Variants in TBC1D20 observed in about 807,000 individuals in gnomAD.
TBC1D20 encodes the protein TBC1 domain family member 20.
In TBC1D20, 12 loss-of-function variants were observed where a neutral mutation model predicts 41.6. That is an observed-to-expected ratio of 0.29 (90% CI 0.18 to 0.47). TBC1D20 has a LOEUF of 0.47. Ranked by LOEUF, TBC1D20 falls within the 20% of genes least tolerant of loss-of-function variation. The pLI is 1.00. For synonymous variants in TBC1D20, 205 were observed against 204.8 expected, an observed-to-expected ratio of 1.00 and a Z score of -0.01; for missense variants, 421 against 517.4, an observed-to-expected ratio of 0.81 and a Z score of 1.81.
At chr20:450,161 T>G (rs1172590779) in intron 1 of TBC1D20, among the ~76,000 whole-genome samples, 2 of 152,022 alleles carry the variant, frequency 1.3e-5, no homozygotes, top group Non-Finnish European at 2.9e-5. Context: ...AGATTTTTTT[T>G]TTTTTTTGAG....
chr20:448,336 A>C (rs890724020), intron 1 of TBC1D20, among the ~76,000 whole-genome samples: 1 of 151,954 alleles, frequency 6.6e-6, no homozygotes, highest in Non-Finnish European at 1.5e-5. Context: ...CTCTTTTTAT[A>C]GGTCTGAACC....
chr20:451,462 C>T (rs766232475), intron 1 of TBC1D20, among the ~76,000 whole-genome samples: 93 of 152,100 alleles, frequency 6.1e-4, no homozygotes, highest in Non-Finnish European at 5.3e-4. Context: ...GCAGGAGAAT[C>T]GCTTGAACCT....
chr20:460,956 C>G (rs1330017746), intron 1 of TBC1D20, among the ~76,000 whole-genome samples: 2 of 152,280 alleles, frequency 1.3e-5, no homozygotes, highest in African/African-American at 4.8e-5. Flanking sequence ...AGACATCACA[C>G]AAACACCAGT....
chr20:441,439 G>A, intron 5 of TBC1D20, 149 bp downstream of exon 5: 1 of 672,568 alleles, frequency 1.5e-6, no homozygotes, highest in Non-Finnish European at 2.6e-6. Flanking sequence ...GAATTACCCA[G>A]ATTGCTGGTG....
rs1009775935 is a variant in TBC1D20, at chr20:437,294, T to C, written c.*1292A>G. ...GGTGTGTTCACTTTAAGAAAACATC[T>C]GCCAAGAGAGAAGAGTGCCCAGGAA... is the stretch of plus-strand genomic sequence containing the variant. On this transcript the variant is annotated 3_prime_UTR_variant, in exon 8 of 8. Transcript: ENST00000354200. 1 of 152,616 alleles carries C rather than the reference T, an allele frequency of 6.6e-6. No homozygotes were observed. The highest frequency in any genetic ancestry group is 2.1e-4 in the South Asian group (1 of 4,824). The allele number at this position is 152,616 out of a possible 1,614,324, so 9.5% of individuals were successfully genotyped here. A position where few individuals can be genotyped will look rare whatever the true frequency, so the allele number is the denominator to read the frequency against.
Position 438,547 on chromosome 20 carries a change from G to C in TBC1D20, c.*39C>G. ...TCCCAATCCTTCCATGGAAGGGTGA[G>C]ACCTTAATGTGATGTAAGAGGAAGG... On this transcript the variant is annotated 3_prime_UTR_variant, in exon 8 of 8. Transcript: ENST00000354200. 6.2e-7 allele frequency: 1 copy of C among 1,604,136 alleles called. No homozygotes were observed. The highest frequency in any genetic ancestry group is 8.5e-7 in the Non-Finnish European group (1 of 1,172,688).
intron 2 of TBC1D20, among the ~76,000 whole-genome samples, chr20:447,641 G>C (rs1282185828): frequency 1.3e-5 from 2 of 152,124 alleles, no homozygotes; most frequent in Admixed American, 6.5e-5. Context: ...CTGGGTGACA[G>C]AGCAAGACTC....
intron 1 of TBC1D20, among the ~76,000 whole-genome samples, chr20:456,586 G>A (rs1019601564): frequency 5.9e-5 from 9 of 152,028 alleles, no homozygotes; most frequent in African/African-American, 2.2e-4. Context: ...TTTTTGAGAC[G>A]GAGTTACGCT....
chr20:462,506 G>A lies in TBC1D20; in HGVS notation c.-101C>T, dbSNP rs764909898. 3.2e-5 allele frequency: 21 copies of A among 660,386 alleles called. No homozygotes were observed. Among genetic ancestry groups the A allele is most frequent in the African/African-American group, 2.1e-4 (11 of 51,302 alleles). 40.9% of individuals were successfully genotyped at this position (660,386 alleles called of 1,614,324 possible). ...ACGTAGCACCCGCTCGGCATCGGCA[G>A]GCTCCCCTCCGTCGGCCAGCGGCGC... On this transcript the variant is annotated 5_prime_UTR_variant, in exon 1 of 8. Transcript: ENST00000354200.
intron 1 of TBC1D20, 73 bp from the exon 2 acceptor site, chr20:448,147 CT>C (rs1654151311): frequency 9.1e-7 from 1 of 1,097,336 alleles, no homozygotes; most frequent in Admixed American, 1.9e-5. Context: ...ACTCAAGCTC[CT>C]TTTTGATATG....
chr20:455,569 G>C (rs1162992729), intron 1 of TBC1D20, among the ~76,000 whole-genome samples: 1 of 152,116 alleles, frequency 6.6e-6, no homozygotes, highest in Non-Finnish European at 1.5e-5. Flanking sequence ...AGTGTGCCGA[G>C]ATCATGCCAC....
intron 2 of TBC1D20, among the ~76,000 whole-genome samples, chr20:445,926 T>C (rs1387914711): frequency 6.6e-6 from 1 of 152,262 alleles, no homozygotes; most frequent in East Asian, 1.9e-4. Context: ...AACATGGCAC[T>C]GCCTTAGCCT....
At chr20:452,928 C>G (rs1375006922) in intron 1 of TBC1D20, among the ~76,000 whole-genome samples, 1 of 151,598 alleles carries the variant, frequency 6.6e-6, no homozygotes, top group African/African-American at 2.4e-5. Context: ...GGCGGGCAGA[C>G]CACCTGAGAT....
intron 1 of TBC1D20, among the ~76,000 whole-genome samples, chr20:455,980 C>A (rs2017532950): frequency 6.6e-6 from 1 of 151,778 alleles, no homozygotes; most frequent in South Asian, 2.1e-4. Flanking sequence ...ATAAAAACCA[C>A]TGCCGGGCAT....
At chr20:442,957 G>A (rs1198690046) in intron 3 of TBC1D20, among the ~76,000 whole-genome samples, 1 of 152,064 alleles carries the variant, frequency 6.6e-6, no homozygotes, top group Admixed American at 6.6e-5. Context: ...AAAATTAGCT[G>A]GGCGTGGTGG....
chr20:447,277 A>G (rs1448107379), intron 2 of TBC1D20, among the ~76,000 whole-genome samples: 1 of 151,910 alleles, frequency 6.6e-6, no homozygotes, highest in African/African-American at 2.4e-5. Context: ...TGCATTTTTA[A>G]AAAACACTTG....
At chr20:440,427 G>C (rs2017206654) in intron 5 of TBC1D20, 38 bp from the exon 6 acceptor site, 4 of 1,610,908 alleles carry the variant, frequency 2.5e-6, no homozygotes, top group Non-Finnish European at 3.4e-6. Flanking sequence ...GGTCCTGTGG[G>C]CCATCCCTTC....
intron 3 of TBC1D20, 35 bp from the exon 4 acceptor site, chr20:442,078 C>G (rs1314150680): frequency 4.6e-6 from 7 of 1,536,280 alleles, no homozygotes; most frequent in Non-Finnish European, 6.2e-6. Flanking sequence ...TTGAACATAC[C>G]AAGCAGCCTA....
intron 1 of TBC1D20, among the ~76,000 whole-genome samples, chr20:452,819 G>A (rs2017468565): frequency 6.6e-6 from 1 of 152,154 alleles, no homozygotes; most frequent in Admixed American, 6.6e-5. Context: ...TCTAGTCTGA[G>A]GAAAAGGAGG....
Sources: allele counts gnomAD v4.1 joint callset (sites outside exome capture counted in the v4.1 genomes callset), GRCh38; gene constraint gnomAD v4.1.1; transcripts MANE v1.5; gene names NCBI Gene and HGNC (gene_info 2026-07-23, HGNC 2026-07-21).